The following ATP8B4 variants were observed in gnomAD, a reference collection of about 807,000 sequenced individuals.
ATP8B4 encodes the protein ATPase phospholipid transporting 8B4 (putative).
In ATP8B4, 133 loss-of-function variants were observed where a neutral mutation model predicts 145.6. The observed-to-expected ratio is 0.91, with a 90% CI of 0.79 to 1.05. The LOEUF is 1.05. Among genes scored for constraint, ATP8B4 ranks in the 50% least tolerant of loss-of-function variants. The pLI is 0.00. For missense variants in ATP8B4, 1,458 were observed against 1,425.2 expected (o/e 1.02, Z -0.37); for synonymous variants, 507 against 492.9 (o/e 1.03, Z -0.38).
chr15:50,172,779 C>T (rs1196573001), intron 1 of ATP8B4, among the ~76,000 whole-genome samples: 1 of 150,710 alleles, frequency 6.6e-6, no homozygotes, highest in Non-Finnish European at 1.5e-5. Flanking sequence ...GTGAAGAGCG[C>T]CTCTGCCCGG....
chr15:50,002,066 A>G, intron 8 of ATP8B4, 87 bp downstream of exon 8: 1 of 1,109,790 alleles, frequency 9.0e-7, no homozygotes, highest in Non-Finnish European at 1.3e-6. Context: ...CCAAGAAGAT[A>G]CTGAACAAGG....
chr15:49,951,594 A>C (rs188402255), intron 14 of ATP8B4, among the ~76,000 whole-genome samples: 1 of 152,190 alleles, frequency 6.6e-6, no homozygotes. Flanking sequence ...TTCTTTGCAC[A>C]TAAGATGAGT....
rs1567412062 is a variant in ATP8B4, at chr15:50,158,492, G to GTCAGC, written c.-43+23768_-43+23769insGCTGA. On this transcript the variant is annotated intron_variant, in intron 1 of 3. Transcript: ENST00000558829. ...CCGTCCGGGAGGGAGGTGGGGGGGCGCCTCCGCCCGGCCAGCCGCCCAGTC... is the reference window on the plus strand; with the variant it reads ...CCGTCCGGGAGGGAGGTGGGGGGGCGTCAGCCCTCCGCCCGGCCAGCCGCCCAGTC... Among the ~76,000 whole-genome samples, 5 of 149,112 alleles carry GTCAGC rather than the reference G, an allele frequency of 3.4e-5. No individual in the cohort carries two copies. In the South Asian group the frequency reaches 1.1e-3, roughly 32 times the overall value.
At chr15:50,108,587 A>G (rs1182439001) in intron 1 of ATP8B4, among the ~76,000 whole-genome samples, 2 of 151,906 alleles carry the variant, frequency 1.3e-5, no homozygotes, top group Non-Finnish European at 1.5e-5. Flanking sequence ...GGGCCTTCAC[A>G]CATGCTCTTC....
chr15:49,971,454 G>A (rs1027869142), intron 13 of ATP8B4, among the ~76,000 whole-genome samples: 1 of 151,626 alleles, frequency 6.6e-6, no homozygotes, highest in East Asian at 1.9e-4. Flanking sequence ...TCAAAAAGTG[G>A]GCAAAGGATA....
intron 6 of ATP8B4, among the ~76,000 whole-genome samples, chr15:50,023,779 CAAA>C (rs60030651): frequency 2.7e-4 from 20 of 75,048 alleles, no homozygotes; most frequent in Admixed American, 4.5e-4. Context: ...AGACCAAAGG[CAAA>C]AAAAAAAAAA....
intron 6 of ATP8B4, among the ~76,000 whole-genome samples, chr15:50,031,174 C>G (rs1428164546): frequency 6.6e-6 from 1 of 152,166 alleles, no homozygotes; most frequent in Non-Finnish European, 1.5e-5. Flanking sequence ...TGCTTTTGAA[C>G]TCATTGTTAT....
intron 17 of ATP8B4, chr15:49,922,379 A>G (rs2040339019): frequency 2.2e-6 from 1 of 447,664 alleles, no homozygotes; most frequent in African/African-American, 2.0e-5. Context: ...GTTCATTAAA[A>G]AAAATTTAAA....
intron 1 of ATP8B4, among the ~76,000 whole-genome samples, chr15:50,115,558 G>A (rs1397721813): frequency 6.6e-6 from 1 of 151,962 alleles, no homozygotes; most frequent in East Asian, 1.9e-4. Flanking sequence ...GGAACAGCGT[G>A]AGGAAAGGCC....
chr15:49,887,223 C>G (rs926599413), intron 23 of ATP8B4, among the ~76,000 whole-genome samples: 3 of 151,860 alleles, frequency 2.0e-5, no homozygotes, highest in African/African-American at 7.3e-5. Flanking sequence ...TCCTTAGATC[C>G]CCTTGGAAAA....
chr15:49,942,881 T>C (rs1272099773), intron 14 of ATP8B4, among the ~76,000 whole-genome samples: 2 of 151,970 alleles, frequency 1.3e-5, no homozygotes, highest in Non-Finnish European at 2.9e-5. Flanking sequence ...CAGAAATTAG[T>C]CTAAAGAAAC....
intron 10 of ATP8B4, among the ~76,000 whole-genome samples, chr15:49,986,970 C>A (rs908471013): frequency 4.1e-5 from 6 of 147,394 alleles, no homozygotes; most frequent in Non-Finnish European, 7.4e-5. Context: ...GATCAAGAAG[C>A]CTTTTCCAAA....
chr15:50,167,618 C>CT (rs1038017771), intron 1 of ATP8B4, among the ~76,000 whole-genome samples: 1 of 152,130 alleles, frequency 6.6e-6, no homozygotes, highest in Admixed American at 6.5e-5. Flanking sequence ...GTATACACAT[C>CT]TTTTTTTGGA....
chr15:50,031,247 A>G (rs1033203523), intron 6 of ATP8B4, among the ~76,000 whole-genome samples: 1 of 152,156 alleles, frequency 6.6e-6, no homozygotes, highest in African/African-American at 2.4e-5. Context: ...AAAAAGAATC[A>G]AGTTTTTCTC....
At chr15:50,115,846 A>T (rs2057145326) in intron 1 of ATP8B4, among the ~76,000 whole-genome samples, 1 of 152,208 alleles carries the variant, frequency 6.6e-6, no homozygotes, top group African/African-American at 2.4e-5. Flanking sequence ...AGATAAGGTG[A>T]CAGAGAGCAT....
At chr15:49,896,938 A>G (rs543345119) in intron 23 of ATP8B4, 1 of 211,144 alleles carries the variant, frequency 4.7e-6, no homozygotes, top group South Asian at 8.5e-5. Flanking sequence ...AGATACCTCA[A>G]CATTTCTTAT....
intron 24 of ATP8B4, 57 bp from the exon 25 acceptor site, chr15:49,876,580 GTATTCCCTATCTTCAGAAA>G: frequency 6.2e-7 from 1 of 1,601,366 alleles, no homozygotes; most frequent in Non-Finnish European, 8.5e-7. Context: ...GAGAGGCCTT[GTATTCCCTATCTTCAGAAA>G]TAGCAAATGC....
At chr15:49,896,961 G>T (rs1390779495) in intron 23 of ATP8B4, 1 of 231,608 alleles carries the variant, frequency 4.3e-6, no homozygotes, top group Admixed American at 5.1e-5. Flanking sequence ...GTGATTTGCA[G>T]ACTTCTGTTC....
At chr15:49,862,644 G>C (rs1306209061) in intron 26 of ATP8B4, among the ~76,000 whole-genome samples, 2 of 151,908 alleles carry the variant, frequency 1.3e-5, no homozygotes, top group Non-Finnish European at 2.9e-5. Context: ...ATTTTTGGTA[G>C]AGGCAGGGTT....
Sources: gnomAD v4.1 joint callset for allele counts (sites outside exome capture counted in the v4.1 genomes callset) on GRCh38, gnomAD v4.1.1 for gene constraint, MANE v1.5 for transcripts, NCBI Gene and HGNC (gene_info 2026-07-23, HGNC 2026-07-21) for gene names.